ANAPC13: variants seen among roughly 807,000 people sequenced by gnomAD.
ANAPC13 encodes anaphase promoting complex subunit 13.
In ANAPC13, 9 loss-of-function variants were observed where a neutral mutation model predicts 9.6. The ratio of observed to expected loss-of-function variants is 0.94; its 90% CI spans 0.57 to 1.64. ANAPC13 has a LOEUF of 1.64. Among genes scored for constraint, ANAPC13 ranks in the 40% most tolerant of loss-of-function variants. The pLI, the probability that ANAPC13 is intolerant of heterozygous loss-of-function variation, is 0.00. For missense variants in ANAPC13, 75 were observed against 85.3 expected (o/e 0.88, Z 0.48); for synonymous variants, 30 against 29.7 (o/e 1.01, Z -0.03).
chr3:134,482,985 T>A lies in ANAPC13; in HGVS notation c.-27-54A>T, dbSNP rs1280175512. Reference sequence around the variant, plus strand: ...CACGAAGACTGAAGAGATGGTATAATCCACTATTAGGATTCTCCAGGCTTT... The same window carrying A: ...CACGAAGACTGAAGAGATGGTATAAACCACTATTAGGATTCTCCAGGCTTT... On this transcript the variant is annotated intron_variant, in intron 1 of 2. Coordinates refer to ENST00000354910, the MANE Select transcript of ANAPC13 (RefSeq NM_015391.4). The A allele has an allele frequency of 2.5e-6, 3 of 1,216,454 alleles. No individual in the cohort carries two copies. The African/African-American group carries it at 4.5e-5, about 18-fold the overall frequency. 75.4% of individuals were successfully genotyped at this position (1,216,454 alleles called of 1,614,324 possible).
At chr3:134,481,212 C>T (rs1934726411) in intron 2 of ANAPC13, among the ~76,000 whole-genome samples, 1 of 152,240 alleles carries the variant, frequency 6.6e-6, no homozygotes, top group African/African-American at 2.4e-5. Context: ...CAAATCTGAG[C>T]ATAGCAGTCT....
At position 134,482,929 on chromosome 3, in the gene ANAPC13, A is replaced by T. The variant is rs1934771560; in HGVS notation, c.-25T>A. 6.4e-7 allele frequency: 1 copy of T among 1,574,208 alleles called. No individual in the cohort carries two copies. Among genetic ancestry groups the T allele is most frequent in the Middle Eastern group, 1.7e-4 (1 of 5,978 alleles). ...TTTTCCTGCAGCTTTGATCTTGTCA[A>T]ATCTGTAAGCCAAAGAGGTTATTTC... On this transcript the variant is annotated splice_region_variant and 5_prime_UTR_variant, in exon 2 of 3. It adds an upstream start codon to the 5' untranslated region. Coordinates refer to ENST00000354910, the MANE Select transcript of ANAPC13 (RefSeq NM_015391.4).
Position 134,485,962 on chromosome 3 carries a change from C to A in ANAPC13, c.-38G>T. On this transcript the variant is annotated 5_prime_UTR_variant, in exon 1 of 3. Transcript: ENST00000354910. ...GCTGGAAACCCTTACCGGCACCCGG[C>A]CACCGCGGCAGACGCTTGCTCCTGC... is the stretch of plus-strand genomic sequence containing the variant. 1 of 979,472 alleles carries A rather than the reference C, an allele frequency of 1.0e-6. No individual in the cohort carries two copies. The highest frequency in any genetic ancestry group is 1.2e-6 in the Non-Finnish European group (1 of 828,168). 60.7% of individuals were successfully genotyped at this position (979,472 alleles called of 1,614,324 possible).
In ANAPC13 at chr3:134,478,197, T is replaced by A. The variant is rs1934654264; in HGVS notation, c.*393A>T. On this transcript the variant is annotated 3_prime_UTR_variant, in exon 3 of 3. Coordinates refer to ENST00000354910, the MANE Select transcript of ANAPC13 (RefSeq NM_015391.4). ...TCTCAATGTGGGGAAGTATGAGAAGTTAATAATTCTCCTAGTGTCTGGCTT... is the reference window on the plus strand; with the variant it reads ...TCTCAATGTGGGGAAGTATGAGAAGATAATAATTCTCCTAGTGTCTGGCTT... 1 of 168,554 alleles carries A rather than the reference T, an allele frequency of 5.9e-6. No individual in the cohort carries two copies. Among genetic ancestry groups the A allele is most frequent in the African/African-American group, 2.4e-5 (1 of 41,684 alleles). 10.4% of individuals were successfully genotyped at this position (168,554 alleles called of 1,614,324 possible). A position where few individuals can be genotyped will look rare whatever the true frequency, so the allele number is the denominator to read the frequency against.
chr3:134,478,585 A>C lies in ANAPC13; in HGVS notation c.*5T>G, dbSNP rs2107698614. 6.2e-7 allele frequency: 1 copy of C among 1,612,118 alleles called. No individual in the cohort carries two copies. The highest frequency in any genetic ancestry group is 2.2e-5 in the East Asian group (1 of 44,836). ...AAAATCCATCCACAAGAAAGGAGCC[A>C]AGCGTCAGTTTCCAATGGGGGGAAC... On this transcript the variant is annotated 3_prime_UTR_variant, in exon 3 of 3. Coordinates refer to ENST00000354910, the MANE Select transcript of ANAPC13 (RefSeq NM_015391.4).
chr3:134,482,754 T>C, intron 2 of ANAPC13, 52 bp downstream of exon 2: 2 of 1,409,112 alleles, frequency 1.4e-6, no homozygotes, highest in Non-Finnish European at 1.0e-6. Flanking sequence ...CCTCCACTAG[T>C]TACTGCCAGA....
At position 134,477,934 on chromosome 3, in the gene ANAPC13, T is replaced by A. The variant is rs1479740393; in HGVS notation, c.*656A>T. The A allele has an allele frequency of 1.3e-5, 2 of 152,248 alleles. No homozygotes were observed. The highest frequency in any genetic ancestry group is 1.3e-4 in the Admixed American group (2 of 15,294). 9.4% of individuals were successfully genotyped at this position (152,248 alleles called of 1,614,324 possible). On this transcript the variant is annotated 3_prime_UTR_variant, in exon 3 of 3. Coordinates refer to ENST00000354910, the MANE Select transcript of ANAPC13 (RefSeq NM_015391.4). ...GATTCCATAGTGGGGTGGTTGTAAC[T>A]GAAAGGGCTTTGAGAAAAGGCTTTG...
intron 2 of ANAPC13, among the ~76,000 whole-genome samples, chr3:134,479,368 G>T (rs758939617): frequency 2.6e-5 from 4 of 151,472 alleles, no homozygotes; most frequent in African/African-American, 9.7e-5. Flanking sequence ...ATGGAGTTTT[G>T]CTTTTGTTGC....
intron 1 of ANAPC13, among the ~76,000 whole-genome samples, chr3:134,485,115 C>T (rs1934987449): frequency 6.6e-6 from 1 of 152,264 alleles, no homozygotes; most frequent in Non-Finnish European, 1.5e-5. Flanking sequence ...TCAAGATAAA[C>T]GCAGGCGTCA....
chr3:134,478,276 C>T lies in ANAPC13; in HGVS notation c.*314G>A, dbSNP rs1268688495. ...GTTCAATCACCTGTGTTACAGGACACACATAAGTAGTTGGAAGGTGTTAAA... is the reference window on the plus strand; with the variant it reads ...GTTCAATCACCTGTGTTACAGGACATACATAAGTAGTTGGAAGGTGTTAAA... On this transcript the variant is annotated 3_prime_UTR_variant, in exon 3 of 3. Coordinates refer to ENST00000354910, the MANE Select transcript of ANAPC13 (RefSeq NM_015391.4). The T allele has an allele frequency of 1.1e-5, 3 of 278,078 alleles. No individual in the cohort carries two copies. Among genetic ancestry groups the T allele is most frequent in the Non-Finnish European group, 2.1e-5 (3 of 146,228 alleles). The allele number at this position is 278,078 out of a possible 1,614,324, so 17.2% of individuals were successfully genotyped here.
At position 134,485,876 on chromosome 3, in the gene ANAPC13, G is replaced by A. The variant is rs551577083; in HGVS notation, c.-28+76C>T. On this transcript the variant is annotated intron_variant, in intron 1 of 2. Transcript: ENST00000354910. ...TGACAGCCTCGGCCGATGGGAATAG[G>A]GGGAAGTCCGACACTGAGCAACGAA... 8.1e-5 allele frequency: 43 copies of A among 530,296 alleles called. No homozygotes were observed. In the South Asian group the frequency reaches 3.2e-3, roughly 39 times the overall value. 32.8% of individuals were successfully genotyped at this position (530,296 alleles called of 1,614,324 possible). A position where few individuals can be genotyped will look rare whatever the true frequency, so the allele number is the denominator to read the frequency against.
At chr3:134,483,920 T>C (rs1015051217) in intron 1 of ANAPC13, among the ~76,000 whole-genome samples, 18 of 152,206 alleles carry the variant, frequency 1.2e-4, no homozygotes, top group African/African-American at 4.3e-4. Context: ...AAGGAAGCCA[T>C]TTCCTTTACA....
chr3:134,482,766 C>A (rs373445384), intron 2 of ANAPC13, 40 bp downstream of exon 2: 101 of 1,521,254 alleles, frequency 6.6e-5, no homozygotes, highest in Non-Finnish European at 8.6e-5. Flanking sequence ...ACTGCCAGAT[C>A]AATACCTTTA....
chr3:134,483,154 G>A, intron 1 of ANAPC13: 1 of 504,346 alleles, frequency 2.0e-6, no homozygotes, highest in African/African-American at 1.9e-5. Context: ...TGACAGACCA[G>A]TGTCATAGAG....
At position 134,482,934 on chromosome 3, in the gene ANAPC13, G is replaced by GCAATGCTCTTTGT; in HGVS notation, c.-27-4_-27-3insACAAAGAGCATTG. On this transcript the variant is annotated splice_polypyrimidine_tract_variant and splice_region_variant and intron_variant, in intron 1 of 2. Coordinates refer to ENST00000354910, the MANE Select transcript of ANAPC13 (RefSeq NM_015391.4). ...CTGCAGCTTTGATCTTGTCAAATCTGTAAGCCAAAGAGGTTATTTCTTAAA... is the reference window on the plus strand; with the variant it reads ...CTGCAGCTTTGATCTTGTCAAATCTGCAATGCTCTTTGTTAAGCCAAAGAGGTTATTTCTTAAA... 6.4e-7 allele frequency: 1 copy of GCAATGCTCTTTGT among 1,552,674 alleles called. No individual in the cohort carries two copies. Among genetic ancestry groups the GCAATGCTCTTTGT allele is most frequent in the Non-Finnish European group, 8.9e-7 (1 of 1,123,954 alleles).
chr3:134,478,375 G>A lies in ANAPC13; in HGVS notation c.*215C>T. On this transcript the variant is annotated 3_prime_UTR_variant, in exon 3 of 3. Transcript: ENST00000354910. ...CATGTTCAAATATAAGCTACTCAAT[G>A]AAGAGTTTTAGGTTTAAAGAGCGAA... 1.8e-6 allele frequency: 1 copy of A among 565,812 alleles called. No individual in the cohort carries two copies. The highest frequency in any genetic ancestry group is 3.0e-6 in the Non-Finnish European group (1 of 330,742). The allele number at this position is 565,812 out of a possible 1,614,324, so 35.0% of individuals were successfully genotyped here.
intron 1 of ANAPC13, 198 bp from the exon 2 acceptor site, chr3:134,483,129 C>G (rs965151340): frequency 2.0e-5 from 11 of 563,038 alleles, no homozygotes; most frequent in Non-Finnish European, 3.5e-5. Context: ...GTATACTGGA[C>G]AGGCATAGCC....
upstream of ANAPC13, chr3:134,485,998 C>A (rs1002660373): frequency 2.0e-6 from 2 of 981,730 alleles, no homozygotes; most frequent in Non-Finnish European, 2.4e-6. Flanking sequence ...CACGCCCCCC[C>A]CCCCTCCCCC....
At chr3:134,483,564 G>A (rs959242220) in intron 1 of ANAPC13, among the ~76,000 whole-genome samples, 1 of 152,070 alleles carries the variant, frequency 6.6e-6, no homozygotes, top group Non-Finnish European at 1.5e-5. Flanking sequence ...TCAATTTCTG[G>A]CCCAAATGGT....
Sources: gnomAD v4.1 joint callset for allele counts (sites outside exome capture counted in the v4.1 genomes callset) on GRCh38, gnomAD v4.1.1 for gene constraint, MANE v1.5 for transcripts, NCBI Gene and HGNC (gene_info 2026-07-23, HGNC 2026-07-21) for gene names.